Variants in NRF1 observed in about 807,000 individuals in gnomAD.
NRF1 encodes nuclear respiratory factor 1, also known as alpha palindromic-binding protein.
A neutral mutation model predicts 58.5 loss-of-function variants in NRF1; 5 were observed. The ratio of observed to expected loss-of-function variants is 0.09; its 90% CI spans 0.04 to 0.18. The LOEUF (loss-of-function observed/expected upper bound fraction) is 0.18. NRF1 is among the 10% of genes least tolerant of loss of function. NRF1 has a pLI of 1.00. For synonymous variants in NRF1, 224 were observed against 246.7 expected, an observed-to-expected ratio of 0.91 and a Z score of 0.86; for missense variants, 288 against 657.7, an observed-to-expected ratio of 0.44 and a Z score of 6.15.
At chr7:129,637,459 T>C (rs1200884171) in intron 1 of NRF1, among the ~76,000 whole-genome samples, 2 of 152,190 alleles carry the variant, frequency 1.3e-5, no homozygotes, top group African/African-American at 4.8e-5. Flanking sequence ...GACATAACAA[T>C]GGTTATAAAA....
intron 10 of NRF1, among the ~76,000 whole-genome samples, chr7:129,744,600 T>TAA (rs1237251482): frequency 6.6e-6 from 1 of 152,140 alleles, no homozygotes; most frequent in African/African-American, 2.4e-5. Context: ...TTGGCTATGC[T>TAA]AAGTACAGTT....
intron 5 of NRF1, among the ~76,000 whole-genome samples, chr7:129,701,710 G>A (rs562928922): frequency 2.0e-4 from 30 of 152,254 alleles, no homozygotes; most frequent in Non-Finnish European, 4.0e-4. Flanking sequence ...AGTCTTTCTG[G>A]AGGACAATTT....
intron 6 of NRF1, among the ~76,000 whole-genome samples, 163 bp downstream of exon 6, chr7:129,709,396 C>T (rs181291316): frequency 4.6e-5 from 7 of 152,190 alleles, no homozygotes; most frequent in Non-Finnish European, 5.9e-5. Context: ...TTCCATTTGT[C>T]GCTCCATCAC....
At chr7:129,748,476 A>G (rs1562993079) in intron 10 of NRF1, among the ~76,000 whole-genome samples, 1 of 152,142 alleles carries the variant, frequency 6.6e-6, no homozygotes, top group Admixed American at 6.5e-5. Flanking sequence ...GGAAACTGCT[A>G]GAAGAACTGG....
chr7:129,635,766 C>T (rs1003769587), intron 1 of NRF1, among the ~76,000 whole-genome samples: 18 of 152,148 alleles, frequency 1.2e-4, no homozygotes, highest in Admixed American at 1.2e-3. Context: ...AAGAGGACAT[C>T]TAGTGATGGG....
chr7:129,746,446 T>C (rs1005465848), intron 10 of NRF1, among the ~76,000 whole-genome samples: 1 of 152,188 alleles, frequency 6.6e-6, no homozygotes, highest in African/African-American at 2.4e-5. Context: ...TTTCCTGTTA[T>C]CTTCTTCCAC....
intron 1 of NRF1, among the ~76,000 whole-genome samples, chr7:129,650,618 G>A (rs1175587727): frequency 6.6e-6 from 1 of 152,022 alleles, no homozygotes; most frequent in Non-Finnish European, 1.5e-5. Flanking sequence ...AGAGATTCTG[G>A]CATCATCATA....
intron 4 of NRF1, among the ~76,000 whole-genome samples, chr7:129,687,296 G>A (rs1802463865): frequency 6.8e-6 from 1 of 147,788 alleles, no homozygotes; most frequent in Non-Finnish European, 1.5e-5. Flanking sequence ...TTTTTTTGAG[G>A]CGGAGTCTCA....
intron 4 of NRF1, among the ~76,000 whole-genome samples, chr7:129,688,917 C>A (rs531979797): frequency 1.0e-5 from 1 of 97,640 alleles, no homozygotes; most frequent in Non-Finnish European, 2.1e-5. Context: ...TATCACTAGG[C>A]TTATAAGATT....
At chr7:129,691,802 T>C (rs912135702) in intron 5 of NRF1, among the ~76,000 whole-genome samples, 4 of 152,198 alleles carry the variant, frequency 2.6e-5, no homozygotes, top group African/African-American at 9.7e-5. Flanking sequence ...CACCCTCTTC[T>C]GAAGATCCTC....
intron 10 of NRF1, among the ~76,000 whole-genome samples, chr7:129,733,135 G>C (rs1052544565): frequency 1.3e-5 from 2 of 151,934 alleles, no homozygotes; most frequent in African/African-American, 4.8e-5. Context: ...AGAGTGTTTT[G>C]GGAATATGAA....
At chr7:129,656,056 C>T (rs1484842043) in intron 1 of NRF1, among the ~76,000 whole-genome samples, 1 of 151,944 alleles carries the variant, frequency 6.6e-6, no homozygotes. Flanking sequence ...AATAAAGCTG[C>T]TATGAACATG....
intron 5 of NRF1, among the ~76,000 whole-genome samples, chr7:129,700,870 C>G (rs963231696): frequency 6.6e-6 from 1 of 152,116 alleles, no homozygotes; most frequent in Non-Finnish European, 1.5e-5. Context: ...GAGCCATGAT[C>G]ATGCCACTGT....
intron 1 of NRF1, among the ~76,000 whole-genome samples, chr7:129,615,660 T>C (rs971042454): frequency 1.3e-5 from 2 of 152,250 alleles, no homozygotes; most frequent in Non-Finnish European, 2.9e-5. Context: ...CCACTTGTTA[T>C]TTTAGAAACA....
intron 3 of NRF1, 111 bp from the exon 4 acceptor site, chr7:129,677,521 C>A: frequency 1.1e-6 from 1 of 940,038 alleles, no homozygotes; most frequent in Non-Finnish European, 1.6e-6. Context: ...TCACATTTTA[C>A]GTAAAAGAGC....
intron 1 of NRF1, among the ~76,000 whole-genome samples, chr7:129,615,522 A>G (rs951643782): frequency 9.2e-5 from 14 of 152,256 alleles, no homozygotes; most frequent in Non-Finnish European, 1.5e-4. Context: ...GAAATGTTCT[A>G]TACTAAAATA....
chr7:129,694,584 T>C (rs9655872), intron 5 of NRF1, among the ~76,000 whole-genome samples: 11 of 152,190 alleles, frequency 7.2e-5, no homozygotes, highest in African/African-American at 2.7e-4. Flanking sequence ...ACCAGACTGC[T>C]CTTGAACTCC....
At chr7:129,671,629 C>T (rs1802049619) in intron 3 of NRF1, 86 bp downstream of exon 3, 2 of 730,846 alleles carry the variant, frequency 2.7e-6, no homozygotes, top group African/African-American at 1.7e-5. Flanking sequence ...TTAGGTTTGT[C>T]AAGGATGCTT....
chr7:129,732,861 C>T (rs1420946617), intron 10 of NRF1, among the ~76,000 whole-genome samples: 1 of 152,164 alleles, frequency 6.6e-6, no homozygotes, highest in Admixed American at 6.5e-5. Context: ...CTCAGCCTCC[C>T]AAAGTTCCAG....
Sources: gnomAD v4.1 joint callset for allele counts (sites outside exome capture counted in the v4.1 genomes callset) on GRCh38, gnomAD v4.1.1 for gene constraint, MANE v1.5 for transcripts, NCBI Gene and HGNC (gene_info 2026-07-23, HGNC 2026-07-21) for gene names.